KIAA1549L: variants seen among roughly 807,000 people sequenced by gnomAD.
KIAA1549L encodes UPF0606 protein KIAA1549L.
Under a neutral mutation model 160.7 loss-of-function variants are expected in KIAA1549L, and 88 were observed. That is an observed-to-expected ratio of 0.55 (90% CI 0.46 to 0.65). The LOEUF is 0.65. Ranked by LOEUF, KIAA1549L falls within the 30% of genes least tolerant of loss-of-function variation. The pLI is 0.00. For missense variants in KIAA1549L, 2,258 were observed against 2,437.5 expected (o/e 0.93, Z 1.55); for synonymous variants, 950 against 976.7 (o/e 0.97, Z 0.51).
intron 6 of KIAA1549L, among the ~76,000 whole-genome samples, chr11:33,553,772 C>T (rs955345465): frequency 6.6e-6 from 1 of 152,164 alleles, no homozygotes; most frequent in Non-Finnish European, 1.5e-5. Context: ...TCAGGAAGCA[C>T]AGACTTATTG....
At chr11:33,474,335 A>C (rs942425583) in intron 1 of KIAA1549L, among the ~76,000 whole-genome samples, 1 of 152,232 alleles carries the variant, frequency 6.6e-6, no homozygotes, top group Non-Finnish European at 1.5e-5. Flanking sequence ...TCCAGAGCTC[A>C]TATCTTTCAT....
In KIAA1549L at chr11:33,658,742, C is replaced by A. The variant is rs1319089925; in HGVS notation, c.5859-8C>A. 3 of 1,570,268 alleles carry A rather than the reference C, an allele frequency of 1.9e-6. No homozygotes were observed. Among genetic ancestry groups the A allele is most frequent in the Non-Finnish European group, 2.6e-6 (3 of 1,158,486 alleles). On this transcript the variant is annotated splice_polypyrimidine_tract_variant and splice_region_variant and intron_variant, in intron 18 of 20. Transcript: ENST00000658780. ...ACAGTGCTAACGCAGTCCCTCTGCC[C>A]CATCTAGATCCACCTCAGACATCGG...
At chr11:33,452,425 G>A (rs541108996) in intron 1 of KIAA1549L, among the ~76,000 whole-genome samples, 10 of 152,140 alleles carry the variant, frequency 6.6e-5, no homozygotes, top group Non-Finnish European at 1.2e-4. Context: ...GGCTAACATG[G>A]TGAAACCCTG....
chr11:33,570,196 A>T (rs755172894), intron 9 of KIAA1549L, among the ~76,000 whole-genome samples: 15 of 151,544 alleles, frequency 9.9e-5, no homozygotes, highest in Non-Finnish European at 1.9e-4. Context: ...TAGAGTTGGG[A>T]TTTCACCATG....
intron 17 of KIAA1549L, among the ~76,000 whole-genome samples, chr11:33,647,200 C>T (rs941533738): frequency 5.9e-5 from 9 of 151,962 alleles, no homozygotes; most frequent in Non-Finnish European, 8.8e-5. Context: ...GTCTGGGCAA[C>T]GTGGTGAAAC....
chr11:33,470,194 A>T (rs1047587766), intron 1 of KIAA1549L, among the ~76,000 whole-genome samples: 4 of 152,126 alleles, frequency 2.6e-5, no homozygotes, highest in African/African-American at 9.7e-5. Context: ...ATTTTTGTAT[A>T]TGGTGTGAGG....
chr11:33,605,310 C>T (rs573154502), intron 13 of KIAA1549L, among the ~76,000 whole-genome samples: 2 of 152,218 alleles, frequency 1.3e-5, no homozygotes, highest in East Asian at 3.9e-4. Flanking sequence ...TTCTTAGGAG[C>T]CACCTTATTG....
intron 8 of KIAA1549L, among the ~76,000 whole-genome samples, chr11:33,564,456 G>A (rs1342618490): frequency 1.3e-5 from 2 of 152,218 alleles, no homozygotes; most frequent in African/African-American, 4.8e-5. Flanking sequence ...GCCTCAGAGG[G>A]TGGGTCCCTT....
intron 15 of KIAA1549L, among the ~76,000 whole-genome samples, chr11:33,615,797 C>G (rs1850793761): frequency 6.6e-6 from 1 of 152,210 alleles, no homozygotes; most frequent in Admixed American, 6.5e-5. Flanking sequence ...ATTTACTCCA[C>G]CACCACCCTT....
chr11:33,404,215 G>A (rs1039363178), intron 1 of KIAA1549L, among the ~76,000 whole-genome samples: 1 of 152,202 alleles, frequency 6.6e-6, no homozygotes, highest in East Asian at 1.9e-4. Flanking sequence ...TTTACTTGGT[G>A]AAAGAGTTTC....
At chr11:33,469,593 C>T (rs987105581) in intron 1 of KIAA1549L, among the ~76,000 whole-genome samples, 1 of 152,186 alleles carries the variant, frequency 6.6e-6, no homozygotes, top group African/African-American at 2.4e-5. Flanking sequence ...TGAGGAACTA[C>T]CAAACTGTTT....
intron 1 of KIAA1549L, among the ~76,000 whole-genome samples, chr11:33,450,432 C>A (rs910249430): frequency 6.6e-6 from 1 of 151,866 alleles, no homozygotes; most frequent in African/African-American, 2.4e-5. Flanking sequence ...TGGTGGTGCA[C>A]ACCTGTAGTC....
chr11:33,379,892 A>G (rs904103089), intron 1 of KIAA1549L, among the ~76,000 whole-genome samples: 3 of 152,242 alleles, frequency 2.0e-5, no homozygotes, highest in African/African-American at 7.2e-5. Flanking sequence ...GGCAGGGGAT[A>G]CAGAGGTGAA....
intron 19 of KIAA1549L, among the ~76,000 whole-genome samples, chr11:33,659,245 T>C (rs10836094): frequency 0.28 from 42,683 of 152,074 alleles, 6,100 homozygotes; most frequent in South Asian, 0.37. Context: ...GATCCCGGGC[T>C]TCAGGTGATA....
chr11:33,403,347 A>AGACACGCG, intron 1 of KIAA1549L: 1 of 6,284 alleles, frequency 1.6e-4, no homozygotes, highest in African/African-American at 5.5e-4. Context: ...GCAGACACGC[A>AGACACGCG]GACAGACACA....
rs1370686806 is a variant in KIAA1549L at position 33,614,572 on chromosome 11, A to T, written c.5280-3961A>T. Among the ~76,000 whole-genome samples, 8 of 14,880 alleles carry T rather than the reference A, an allele frequency of 5.4e-4. 2 individuals carry two copies. The highest frequency in any genetic ancestry group is 3.3e-3 in the African/African-American group (4 of 1,222). 9.8% of individuals were successfully genotyped at this position (14,880 alleles called of 152,430 possible). On this transcript the variant is annotated intron_variant, in intron 15 of 20. Coordinates refer to ENST00000658780, the MANE Select transcript of KIAA1549L (RefSeq NM_012194.3). Reference sequence around the variant, plus strand: ...TATATATATATATATATATATATATATATATATATATATTTTTTTTTTTTT... The same window carrying T: ...TATATATATATATATATATATATATTTATATATATATATTTTTTTTTTTTT...
intron 1 of KIAA1549L, among the ~76,000 whole-genome samples, chr11:33,453,995 A>C (rs962303340): frequency 3.3e-5 from 5 of 152,212 alleles, no homozygotes; most frequent in African/African-American, 7.2e-5. Flanking sequence ...CTGTTGCCAA[A>C]GTGTTTATAT....
chr11:33,539,108 A>C (rs1294334993), intron 1 of KIAA1549L, among the ~76,000 whole-genome samples: 3 of 152,232 alleles, frequency 2.0e-5, no homozygotes, highest in Non-Finnish European at 4.4e-5. Context: ...ATCATTTGGT[A>C]ATTCAGTGAA....
intron 1 of KIAA1549L, among the ~76,000 whole-genome samples, chr11:33,478,543 G>A (rs1021517331): frequency 6.6e-6 from 1 of 152,156 alleles, no homozygotes; most frequent in African/African-American, 2.4e-5. Flanking sequence ...CTCCATTTCT[G>A]TCCTTTTAAA....
Sources: allele counts gnomAD v4.1 joint callset (sites outside exome capture counted in the v4.1 genomes callset), GRCh38; gene constraint gnomAD v4.1.1; transcripts MANE v1.5; gene names NCBI Gene and HGNC (gene_info 2026-07-23, HGNC 2026-07-21).